ACOT12: variants seen among roughly 807,000 people sequenced by gnomAD.
ACOT12 encodes the protein acyl-CoA thioesterase 12.
ACOT12 carries 51 observed loss-of-function variants against 67.7 expected under a neutral mutation model. That is an observed-to-expected ratio of 0.75 (90% CI 0.60 to 0.95). The LOEUF (loss-of-function observed/expected upper bound fraction) is 0.95. Among genes scored for constraint, ACOT12 ranks in the 40% least tolerant of loss-of-function variants. ACOT12 has a pLI of 0.00. For missense variants in ACOT12, 734 were observed against 708.1 expected, an observed-to-expected ratio of 1.04 and a Z score of -0.41; for synonymous variants, 251 against 244.6, an observed-to-expected ratio of 1.03 and a Z score of -0.24.
At chr5:81,389,758 C>G (rs564762379) in intron 1 of ACOT12, among the ~76,000 whole-genome samples, 64 of 152,050 alleles carry the variant, frequency 4.2e-4, no homozygotes, top group African/African-American at 1.5e-3. Context: ...AACTTCTGAC[C>G]TCAGGTGATT....
chr5:81,330,456 C>G lies in ACOT12; in HGVS notation c.1606G>C (p.Ala536Pro), dbSNP rs765574953. The change falls in exon 15 of 15, where the codon GCA (alanine) becomes CCA (proline). Residue 536 changes from alanine (A) to proline (P), a missense_variant. Transcript: ENST00000307624. ...TCTAAGAACTGTATACAAGAGGCTG[C>G]TGTTTCTTCAATGGATTTTGACCAG... ...GGWSKSIEET[A>P]ASCIQFLENP... 3 of 1,613,972 alleles carry G rather than the reference C, an allele frequency of 1.9e-6. No individual in the cohort carries two copies. The highest frequency in any genetic ancestry group is 1.3e-5 in the African/African-American group (1 of 74,916).
In ACOT12 at chr5:81,367,711, C is replaced by T. The variant is rs116297829; in HGVS notation, c.259-3822G>A. 1.3e-3 allele frequency among the ~76,000 whole-genome samples: 193 copies of T among 152,242 alleles called. 1 individual carries two copies. The East Asian group carries it at 0.027, about 21-fold the overall frequency. On this transcript the variant is annotated intron_variant, in intron 3 of 14. Coordinates refer to ENST00000307624, the MANE Select transcript of ACOT12 (RefSeq NM_130767.3). ...AGACAAACAGCCAGATGATAGATTT[C>T]AACTCTACCATATAGATAATCAAAT...
intron 6 of ACOT12, 49 bp from the exon 7 acceptor site, chr5:81,346,053 T>G (rs1374506009): frequency 6.3e-7 from 1 of 1,599,638 alleles, no homozygotes; most frequent in Non-Finnish European, 8.5e-7. Flanking sequence ...ACACATTCAT[T>G]CATCGAACAA....
intron 5 of ACOT12, among the ~76,000 whole-genome samples, chr5:81,356,101 A>C (rs1372538894): frequency 6.6e-6 from 1 of 151,902 alleles, no homozygotes; most frequent in South Asian, 2.1e-4. Context: ...TGGTGATAGG[A>C]GTGTTTACTT....
At position 81,330,526 on chromosome 5, in the gene ACOT12, A is replaced by T. The variant is rs746264273; in HGVS notation, c.1536T>A (p.His512Gln). Residue 512 changes from histidine to glutamine, a missense_variant, in exon 15 of 15, where the codon CAT becomes CAA. Physicochemically the swap from His to Gln is conservative, Grantham distance 24 (BLOSUM62 0). Coordinates refer to ENST00000307624, the MANE Select transcript of ACOT12 (RefSeq NM_130767.3). ...AGTAAGGAAGGATGCTAGCAGACAT[A>T]TGGTTAAAGTAAGATACCTGTTTCA... is the stretch of plus-strand genomic sequence containing the variant. ...SNSCIVSYFN[H>Q]MSASILPYFA... is the part of the protein sequence containing the mutation. The T allele has an allele frequency of 6.2e-7, 1 of 1,614,022 alleles. No individual in the cohort carries two copies.
intron 3 of ACOT12, among the ~76,000 whole-genome samples, chr5:81,365,376 A>G (rs1760048411): frequency 6.6e-6 from 1 of 152,246 alleles, no homozygotes; most frequent in African/African-American, 2.4e-5. Flanking sequence ...TAACTAGATG[A>G]TGATTAGCCA....
chr5:81,349,434 A>T (rs1759486341), intron 5 of ACOT12, among the ~76,000 whole-genome samples: 1 of 152,072 alleles, frequency 6.6e-6, no homozygotes, highest in Non-Finnish European at 1.5e-5. Flanking sequence ...CCTCTGAGGA[A>T]GTATTACCTT....
the ACOT12 span, among the ~76,000 whole-genome samples, chr5:81,313,493 A>G: frequency 6.6e-6 from 1 of 152,264 alleles, no homozygotes; most frequent in Admixed American, 6.5e-5. Context: ...GAGTCAGAGT[A>G]AGATGGAAGT....
intron 7 of ACOT12, among the ~76,000 whole-genome samples, chr5:81,345,247 C>A (rs1347008573): frequency 6.6e-6 from 1 of 152,038 alleles, no homozygotes; most frequent in Non-Finnish European, 1.5e-5. Flanking sequence ...TTTACAAGCC[C>A]CTAAGAGCAT....
At chr5:81,381,624 A>AG in intron 2 of ACOT12, among the ~76,000 whole-genome samples, 1 of 152,186 alleles carries the variant, frequency 6.6e-6, no homozygotes, top group Non-Finnish European at 1.5e-5. Context: ...ATTAAAAAAA[A>AG]GAAGGATACA....
intron 11 of ACOT12, among the ~76,000 whole-genome samples, chr5:81,339,078 C>T (rs1188897443): frequency 2.6e-5 from 4 of 152,102 alleles, no homozygotes; most frequent in African/African-American, 9.7e-5. Flanking sequence ...GACTCTATCT[C>T]AAAAAACAAA....
chr5:81,321,308 C>A, the ACOT12 span, among the ~76,000 whole-genome samples: 5 of 152,122 alleles, frequency 3.3e-5, no homozygotes, highest in African/African-American at 7.2e-5. Flanking sequence ...CTTGCTGTGT[C>A]CTCATATGGT....
At chr5:81,316,531 T>G in the ACOT12 span, among the ~76,000 whole-genome samples, 1 of 152,242 alleles carries the variant, frequency 6.6e-6, no homozygotes, top group African/African-American at 2.4e-5. Context: ...TGTTTGCCAC[T>G]TTTTGGTTAT....
chr5:81,309,037 T>C, the ACOT12 span: 1 of 1,605,538 alleles, frequency 6.2e-7, no homozygotes, highest in African/African-American at 1.3e-5. Flanking sequence ...TCTATGCTGA[T>C]GGTAAGTACT....
chr5:81,323,546 T>C, the ACOT12 span, among the ~76,000 whole-genome samples: 8 of 152,322 alleles, frequency 5.3e-5, no homozygotes, highest in South Asian at 1.5e-3. Flanking sequence ...ATTCCATTGA[T>C]GTGTCACATG....
intron 2 of ACOT12, among the ~76,000 whole-genome samples, chr5:81,373,764 T>C (rs932431415): frequency 6.6e-5 from 10 of 152,100 alleles, no homozygotes; most frequent in Non-Finnish European, 1.2e-4. Context: ...AAGTTCAAAG[T>C]GAGCAAAGCC....
intron 1 of ACOT12, 75 bp downstream of exon 1, chr5:81,393,913 C>G: frequency 8.1e-7 from 1 of 1,229,852 alleles, no homozygotes; most frequent in Non-Finnish European, 1.0e-6. Context: ...GCCTTCCTAC[C>G]CCCCCCAGCC....
At chr5:81,364,817 C>T (rs1470594564) in intron 3 of ACOT12, among the ~76,000 whole-genome samples, 8 of 152,036 alleles carry the variant, frequency 5.3e-5, no homozygotes, top group South Asian at 2.1e-4. Context: ...ATATTGGTGT[C>T]TGCCTTATAA....
intron 5 of ACOT12, among the ~76,000 whole-genome samples, chr5:81,352,518 C>T (rs902827822): frequency 9.9e-5 from 15 of 152,106 alleles, no homozygotes; most frequent in African/African-American, 3.4e-4. Context: ...AAACGACAAA[C>T]ATTGCATGTT....
Sources: gnomAD v4.1 joint callset for allele counts (sites outside exome capture counted in the v4.1 genomes callset) on GRCh38, gnomAD v4.1.1 for gene constraint, MANE v1.5 for transcripts, NCBI Gene and HGNC (gene_info 2026-07-23, HGNC 2026-07-21) for gene names.